The following MAD1L1 variants were observed in gnomAD, a reference collection of about 807,000 sequenced individuals.
The protein encoded by MAD1L1 is mitotic spindle assembly checkpoint protein MAD1.
Under a neutral mutation model 96.9 loss-of-function variants are expected in MAD1L1, and 95 were observed. The ratio of observed to expected loss-of-function variants is 0.98; its 90% CI spans 0.83 to 1.16. The LOEUF (loss-of-function observed/expected upper bound fraction) is 1.16, where lower values mean the gene tolerates loss of function less well. MAD1L1 is among the 50% of genes most tolerant of loss of function. The probability of loss-of-function intolerance (pLI) is 0.00; values close to 1 mark genes in which losing one functional copy is unlikely to be tolerated. For synonymous variants in MAD1L1, 473 were observed against 396.6 expected (o/e 1.19, Z -2.29); for missense variants, 1,007 against 954.4 (o/e 1.06, Z -0.73).
At chr7:2,180,342 G>T (rs947574148) in intron 10 of MAD1L1, among the ~76,000 whole-genome samples, 1 of 152,222 alleles carries the variant, frequency 6.6e-6, no homozygotes, top group Non-Finnish European at 1.5e-5. Flanking sequence ...CCTCATCAAG[G>T]ACTCACCAGT....
intron 11 of MAD1L1, among the ~76,000 whole-genome samples, chr7:2,111,459 G>A (rs1464644884): frequency 2.0e-5 from 3 of 152,212 alleles, no homozygotes; most frequent in Non-Finnish European, 4.4e-5. Context: ...AGTCACCGGA[G>A]AACAGAGATC....
At chr7:1,892,597 T>C (rs1377370289) in intron 18 of MAD1L1, among the ~76,000 whole-genome samples, 1 of 152,254 alleles carries the variant, frequency 6.6e-6, no homozygotes, top group Non-Finnish European at 1.5e-5. Context: ...TAAAAAAAGC[T>C]GTGGATTTTG....
At chr7:2,092,329 G>C (rs528038231) in intron 11 of MAD1L1, among the ~76,000 whole-genome samples, 11 of 152,300 alleles carry the variant, frequency 7.2e-5, no homozygotes, top group Non-Finnish European at 1.3e-4. Context: ...TGTGATCACA[G>C]CTCACTGCAG....
At chr7:1,887,255 G>GTGTGGGCA (rs977530224) in intron 18 of MAD1L1, among the ~76,000 whole-genome samples, 5 of 152,226 alleles carry the variant, frequency 3.3e-5, no homozygotes, top group African/African-American at 1.2e-4. Context: ...GGCTGTGCAT[G>GTGTGGGCA]TGTGGGCATG....
intron 17 of MAD1L1, among the ~76,000 whole-genome samples, chr7:1,910,716 G>A (rs895065457): frequency 1.3e-5 from 2 of 152,246 alleles, no homozygotes; most frequent in African/African-American, 2.4e-5. Flanking sequence ...TCAGGTGAGA[G>A]CCTGCTCGGG....
chr7:2,152,415 G>A (rs1021301194), intron 10 of MAD1L1, among the ~76,000 whole-genome samples: 5 of 152,178 alleles, frequency 3.3e-5, no homozygotes, highest in Non-Finnish European at 5.9e-5. Flanking sequence ...AGCCTCTTGC[G>A]CTGAAAAACC....
chr7:2,126,400 A>G (rs1488251036), intron 11 of MAD1L1, among the ~76,000 whole-genome samples: 2 of 152,206 alleles, frequency 1.3e-5, no homozygotes, highest in Non-Finnish European at 2.9e-5. Flanking sequence ...CCAGGGCAGC[A>G]GATGTGGACC....
At chr7:1,890,894 C>G (rs1022608171) in intron 18 of MAD1L1, among the ~76,000 whole-genome samples, 1 of 152,232 alleles carries the variant, frequency 6.6e-6, no homozygotes, top group African/African-American at 2.4e-5. Context: ...GGTGCACAGC[C>G]TTCCTGTCTG....
chr7:2,011,636 T>C (rs1782307411), intron 13 of MAD1L1, among the ~76,000 whole-genome samples: 1 of 152,194 alleles, frequency 6.6e-6, no homozygotes, highest in Non-Finnish European at 1.5e-5. Context: ...AGGAAAGAGC[T>C]GACGCGGAGG....
At chr7:1,963,720 C>T (rs1413079079) in intron 15 of MAD1L1, among the ~76,000 whole-genome samples, 1 of 152,234 alleles carries the variant, frequency 6.6e-6, no homozygotes, top group Non-Finnish European at 1.5e-5. Context: ...CCAGCAGACG[C>T]CGTGCGCTGC....
At chr7:1,949,863 C>T (rs1184423125) in intron 16 of MAD1L1, among the ~76,000 whole-genome samples, 1 of 152,220 alleles carries the variant, frequency 6.6e-6, no homozygotes, top group African/African-American at 2.4e-5. Context: ...CAGAGGAGGC[C>T]CCGGGCCTCC....
intron 18 of MAD1L1, among the ~76,000 whole-genome samples, chr7:1,859,848 G>T (rs367594663): frequency 3.3e-5 from 4 of 120,566 alleles, no homozygotes; most frequent in South Asian, 6.2e-4. Context: ...CATGATACCC[G>T]GCGGGGCGGC....
intron 18 of MAD1L1, among the ~76,000 whole-genome samples, chr7:1,877,956 A>G (rs1785469814): frequency 1.3e-5 from 2 of 152,214 alleles, no homozygotes; most frequent in Admixed American, 1.3e-4. Context: ...GATGACGAAA[A>G]AAGAGATGAT....
intron 12 of MAD1L1, among the ~76,000 whole-genome samples, chr7:2,047,281 C>G (rs1013842762): frequency 3.9e-5 from 6 of 152,198 alleles, no homozygotes; most frequent in Non-Finnish European, 5.9e-5. Flanking sequence ...TGCAGAAAAC[C>G]CACCGGCACG....
intron 18 of MAD1L1, among the ~76,000 whole-genome samples, chr7:1,895,515 A>G (rs758046325): frequency 4.1e-4 from 63 of 152,186 alleles, no homozygotes; most frequent in Non-Finnish European, 7.5e-4. Context: ...ACTTTACTTA[A>G]TCTCCCTGAT....
chr7:1,849,755 C>T (rs948726088), intron 18 of MAD1L1: 2 of 152,204 alleles, frequency 1.3e-5, no homozygotes, highest in African/African-American at 4.8e-5. Flanking sequence ...GACGCCGGCT[C>T]TGGGAGGGCC....
rs1780197234 is a variant in MAD1L1 at position 1,966,982 on chromosome 7, T to C, written c.1506-9263A>G. 2.0e-5 allele frequency among the ~76,000 whole-genome samples: 3 copies of C among 152,266 alleles called. 1 individual carries two copies. In the South Asian group the frequency reaches 6.2e-4, roughly 31 times the overall value. ...AAGGAAAGAGGACATGAAGGATACC[T>C]GGAGCATCGACAATGAAGGAGGAAC... On this transcript the variant is annotated intron_variant, in intron 15 of 18. Transcript: ENST00000265854.
At position 1,816,147 on chromosome 7, in the gene MAD1L1, G is replaced by T; in HGVS notation, c.2080C>A (p.Leu694Met). 1 of 1,613,326 alleles carries T rather than the reference G, an allele frequency of 6.2e-7. No individual in the cohort carries two copies. Among genetic ancestry groups the T allele is most frequent in the Non-Finnish European group, 8.5e-7 (1 of 1,179,886 alleles). Residue 694 changes from leucine to methionine, a missense_variant, in exon 19 of 19, where the codon CTG becomes ATG. By Grantham distance (15) the Leu-to-Met change is conservative. Transcript: ENST00000265854. ...HTVGELIEVH[L>M]RRQDSIPAFL... is the part of the protein sequence containing the mutation. ...GCAGGGATGCTGTCCTGGCGCCGCA[G>T]GTGCACCTCGATGAGCTCGCCCACG...
chr7:1,945,383 C>G (rs1779182833), intron 16 of MAD1L1, among the ~76,000 whole-genome samples: 1 of 152,248 alleles, frequency 6.6e-6, no homozygotes, highest in Admixed American at 6.5e-5. Context: ...ACTTACTACA[C>G]TCGGATGTGC....
Sources: gnomAD v4.1 joint callset for allele counts (sites outside exome capture counted in the v4.1 genomes callset) on GRCh38, gnomAD v4.1.1 for gene constraint, MANE v1.5 for transcripts, NCBI Gene and HGNC (gene_info 2026-07-23, HGNC 2026-07-21) for gene names.